Variants in DERA observed in about 807,000 individuals in gnomAD.
DERA encodes the protein 2-deoxy-D-ribose 5-phosphate aldolase.
In DERA, 15 loss-of-function variants were observed where a neutral mutation model predicts 41.1. The ratio of observed to expected loss-of-function variants is 0.37; its 90% CI spans 0.24 to 0.56. DERA has a LOEUF of 0.56. DERA is among the 20% of genes least tolerant of loss of function. The pLI is 0.81. For synonymous variants in DERA, 139 were observed against 137.4 expected, an observed-to-expected ratio of 1.01 and a Z score of -0.08; for missense variants, 396 against 403.4, an observed-to-expected ratio of 0.98 and a Z score of 0.16.
In DERA at chr12:16,014,580, A is replaced by G. The variant is rs1448519535; in HGVS notation, c.638-17962A>G. The stretch of plus-strand genomic sequence containing the variant: ...GGAATCGCCTGGATGTCCTGGCAGA[A>G]GTTTACTGCAGAGGGGAGCCCTCGT... On this transcript the variant is annotated intron_variant, in intron 6 of 8. Coordinates refer to ENST00000428559, the MANE Select transcript of DERA (RefSeq NM_015954.4). The surrounding 1 kb of genome is among the most constrained non-coding windows in gnomAD (Gnocchi z 5.4). Among the ~76,000 whole-genome samples the G allele has an allele frequency of 6.6e-6, 1 of 152,232 alleles. No homozygotes were observed. Among genetic ancestry groups the G allele is most frequent in the African/African-American group, 2.4e-5 (1 of 41,462 alleles).
chr12:15,914,277 G>A (rs1318364425), intron 1 of DERA, among the ~76,000 whole-genome samples: 1 of 152,052 alleles, frequency 6.6e-6, no homozygotes, highest in Non-Finnish European at 1.5e-5. Flanking sequence ...AGCTACTTGG[G>A]AAGCTGAGGT....
At position 16,017,336 on chromosome 12, in the gene DERA, A is replaced by G. The variant is rs1040794289; in HGVS notation, c.638-15206A>G. 2.0e-5 allele frequency among the ~76,000 whole-genome samples: 3 copies of G among 152,208 alleles called. No homozygotes were observed. The highest frequency in any genetic ancestry group is 7.2e-5 in the African/African-American group (3 of 41,452). ...ACGTGATGGACTGGACCGACAGAGA[A>G]TTACTCTGTAGCTCACTATTCAGAT... On this transcript the variant is annotated intron_variant, in intron 6 of 8. Transcript: ENST00000428559. The surrounding 1 kb of genome is among the most constrained non-coding windows in gnomAD (Gnocchi z 5.5).
Position 15,967,641 on chromosome 12 carries a change from A to C in DERA, c.508+4694A>C, listed in dbSNP as rs1948631830. 1.3e-5 allele frequency among the ~76,000 whole-genome samples: 2 copies of C among 151,932 alleles called. No individual in the cohort carries two copies. Among genetic ancestry groups the C allele is most frequent in the Admixed American group, 1.3e-4 (2 of 15,272 alleles). ...ACAGTCCAGACTCTTGTGCTTTTTG[A>C]TTTATGTATCTTCTTATTTGTTACT... is the stretch of plus-strand genomic sequence containing the variant. On this transcript the variant is annotated intron_variant, in intron 5 of 8. Coordinates refer to ENST00000428559, the MANE Select transcript of DERA (RefSeq NM_015954.4). This position sits in a 1 kb window ranked among gnomAD's most constrained non-coding sequence, Gnocchi z 4.9.
At chr12:16,016,371 T>C (rs1051084736) in intron 6 of DERA, among the ~76,000 whole-genome samples, 1 of 152,182 alleles carries the variant, frequency 6.6e-6, no homozygotes, top group African/African-American at 2.4e-5. Flanking sequence ...TTGTTCTCTA[T>C]GTAGATATTT....
chr12:15,951,182 A>G (rs1375505213), intron 1 of DERA, among the ~76,000 whole-genome samples: 1 of 152,220 alleles, frequency 6.6e-6, no homozygotes, highest in Non-Finnish European at 1.5e-5. Flanking sequence ...GGGTAGGAGC[A>G]CAGCTATGGG....
At chr12:15,953,591 C>T (rs1948515194) in intron 1 of DERA, among the ~76,000 whole-genome samples, 2 of 152,110 alleles carry the variant, frequency 1.3e-5, no homozygotes, top group South Asian at 4.2e-4. Context: ...GAGAAGATAT[C>T]ATTGCCTTCC....
At position 15,938,764 on chromosome 12, in the gene DERA, G is replaced by A. The variant is rs1438102770; in HGVS notation, c.32-18172G>A. Among the ~76,000 whole-genome samples, 1 of 152,120 alleles carries A rather than the reference G, an allele frequency of 6.6e-6. No individual in the cohort carries two copies. Among genetic ancestry groups the A allele is most frequent in the Non-Finnish European group, 1.5e-5 (1 of 68,004 alleles). ...TTTGCCTCCATTCTGAGACAAAATA[G>A]TAAATATTTTTATAAGACAAAACTT... is the stretch of plus-strand genomic sequence containing the variant. On this transcript the variant is annotated intron_variant, in intron 1 of 8. Transcript: ENST00000428559. This position sits in a 1 kb window ranked among gnomAD's most constrained non-coding sequence, Gnocchi z 4.1.
intron 1 of DERA, among the ~76,000 whole-genome samples, chr12:15,952,258 A>T (rs1948503838): frequency 6.6e-6 from 1 of 152,206 alleles, no homozygotes; most frequent in Non-Finnish European, 1.5e-5. Flanking sequence ...GCTATATATT[A>T]TTGAACTGGA....
At chr12:15,960,357 G>T (rs1488310431) in intron 4 of DERA, among the ~76,000 whole-genome samples, 1 of 150,794 alleles carries the variant, frequency 6.6e-6, no homozygotes, top group East Asian at 1.9e-4. Context: ...TGATATGCGG[G>T]CTGGGGACGG....
chr12:16,032,527 C>T lies in DERA; in HGVS notation c.638-15C>T, dbSNP rs1949099316. The stretch of plus-strand genomic sequence containing the variant: ...ATCTTTAATTAACATGGAGTTTTTC[C>T]TCTTTTTGTTTTAGGATCAGATTTT... On this transcript the variant is annotated splice_polypyrimidine_tract_variant and intron_variant, in intron 6 of 8. Transcript: ENST00000428559. The T allele has an allele frequency of 2.5e-6, 3 of 1,214,976 alleles. No individual in the cohort carries two copies. The highest frequency in any genetic ancestry group is 3.3e-6 in the Non-Finnish European group (3 of 899,578). The allele number at this position is 1,214,976 out of a possible 1,614,324, so 75.3% of individuals were successfully genotyped here. A position where few individuals can be genotyped will look rare whatever the true frequency, so the allele number is the denominator to read the frequency against.
At chr12:15,945,161 CG>C (rs1948437673) in intron 1 of DERA, among the ~76,000 whole-genome samples, 1 of 152,062 alleles carries the variant, frequency 6.6e-6, no homozygotes, top group Non-Finnish European at 1.5e-5. Flanking sequence ...AGTCAGGTAG[CG>C]TGATACCTCC....
chr12:15,959,875 T>A lies in DERA; in HGVS notation c.324T>A (p.Asp108Glu). Residue 108 changes from aspartate to glutamate, a missense_variant, in exon 4 of 9, where the codon GAT (aspartate) becomes GAA (glutamate). Asp to Glu is a conservative substitution (Grantham distance 45). Coordinates refer to ENST00000428559, the MANE Select transcript of DERA (RefSeq NM_015954.4). This position sits in a 1 kb window ranked among gnomAD's most constrained non-coding sequence, Gnocchi z 4.5. ...AVCVYPARVC[D>E]AVKALKAAGC... The stretch of plus-strand genomic sequence containing the variant: ...GTGTTTATCCCGCCCGGGTGTGTGA[T>A]GCTGTAAAAGCACTCAAGGCTGCAG... The A allele has an allele frequency of 6.4e-7, 1 of 1,552,016 alleles. No individual in the cohort carries two copies. Among genetic ancestry groups the A allele is most frequent in the Non-Finnish European group, 8.7e-7 (1 of 1,146,192 alleles).
chr12:15,926,742 G>GAAAAAAAAAAA (rs71051274), intron 1 of DERA, among the ~76,000 whole-genome samples: 6 of 120,428 alleles, frequency 5.0e-5, no homozygotes, highest in African/African-American at 6.6e-5. Context: ...GTCTCAAAAA[G>GAAAAAAAAAAA]AAAAAAAAAA....
rs202155281 is a variant in DERA at position 16,032,659 on chromosome 12, A to G, written c.750+5A>G. Reference sequence around the variant, plus strand: ...TTCTGGAAAACTGGAAACAAGGTATATTATTGCCAGCAAATCTTTCTTCAG... The same window carrying G: ...TTCTGGAAAACTGGAAACAAGGTATGTTATTGCCAGCAAATCTTTCTTCAG... On this transcript the variant is annotated splice_donor_5th_base_variant and intron_variant, in intron 7 of 8. Transcript: ENST00000428559. 1.5e-3 allele frequency: 2,270 copies of G among 1,491,752 alleles called. 6 individuals are homozygous for G. Among genetic ancestry groups the G allele is most frequent in the Non-Finnish European group, 1.9e-3 (2,042 of 1,090,948 alleles). The allele number at this position is 1,491,752 out of a possible 1,614,324, so 92.4% of individuals were successfully genotyped here. A position where few individuals can be genotyped will look rare whatever the true frequency, so the allele number is the denominator to read the frequency against.
At position 15,957,524 on chromosome 12, in the gene DERA, T is replaced by C. The variant is rs1414366879; in HGVS notation, c.129+491T>C. ...TTTCGTAGAGTACTTGCGGTCAGCATTTTCTTCAGTGTATCCCAACCAAAG... is the reference window on the plus strand; with the variant it reads ...TTTCGTAGAGTACTTGCGGTCAGCACTTTCTTCAGTGTATCCCAACCAAAG... On this transcript the variant is annotated intron_variant, in intron 2 of 8. Transcript: ENST00000428559. This position sits in a 1 kb window ranked among gnomAD's most constrained non-coding sequence, Gnocchi z 4.8. Among the ~76,000 whole-genome samples the C allele has an allele frequency of 3.3e-5, 5 of 152,192 alleles. No homozygotes were observed. The highest frequency in any genetic ancestry group is 9.7e-5 in the African/African-American group (4 of 41,444).
At position 16,001,819 on chromosome 12, in the gene DERA, G is replaced by A. The variant is rs555305001; in HGVS notation, c.637+19383G>A. Among the ~76,000 whole-genome samples the A allele has an allele frequency of 6.6e-5, 10 of 152,304 alleles. No individual in the cohort carries two copies. In the East Asian group the frequency reaches 1.9e-3, roughly 29 times the overall value. ...AGAAGTGGCAGGCACACTAGACGAA[G>A]CAGCATTTTGCTGGAGACTTTGTTG... On this transcript the variant is annotated intron_variant, in intron 6 of 8. Transcript: ENST00000428559. This position sits in a 1 kb window ranked among gnomAD's most constrained non-coding sequence, Gnocchi z 4.1.
rs577444783 is a variant in DERA at position 15,985,556 on chromosome 12, T to G, written c.637+3120T>G. ...TTAATCTTTTCAGAGAGCCAAGTTT[T>G]TATTTTGTTGTTTTTTTTTCATTAC... On this transcript the variant is annotated intron_variant, in intron 6 of 8. Coordinates refer to ENST00000428559, the MANE Select transcript of DERA (RefSeq NM_015954.4). This position sits in a 1 kb window ranked among gnomAD's most constrained non-coding sequence, Gnocchi z 4.2. Among the ~76,000 whole-genome samples, 56 of 131,286 alleles carry G rather than the reference T, an allele frequency of 4.3e-4. No homozygotes were observed. The highest frequency in any genetic ancestry group is 2.1e-3 in the Admixed American group (26 of 12,174). The allele number at this position is 131,286 out of a possible 152,430, so 86.1% of individuals were successfully genotyped here. A position where few individuals can be genotyped will look rare whatever the true frequency, so the allele number is the denominator to read the frequency against.
chr12:15,949,068 T>C lies in DERA; in HGVS notation c.32-7868T>C, dbSNP rs953081850. Among the ~76,000 whole-genome samples the C allele has an allele frequency of 1.4e-4, 22 of 152,296 alleles. No homozygotes were observed. In the South Asian group the frequency reaches 2.3e-3, roughly 16 times the overall value. On this transcript the variant is annotated intron_variant, in intron 1 of 8. Transcript: ENST00000428559. ...TGATCGTTCCTCTGGGAGCTTCGTC[T>C]CAGAGGGGTAACCGGCCGTGTGGGG...
In DERA at chr12:16,010,664, G is replaced by T. The variant is rs1458554399; in HGVS notation, c.638-21878G>T. Reference sequence around the variant, plus strand: ...CATTGTCTCTATAAGTGGTTAGTAAGTGGAGACTGCAGTCACCTAGATGGC... The same window carrying T: ...CATTGTCTCTATAAGTGGTTAGTAATTGGAGACTGCAGTCACCTAGATGGC... On this transcript the variant is annotated intron_variant, in intron 6 of 8. Coordinates refer to ENST00000428559, the MANE Select transcript of DERA (RefSeq NM_015954.4). This position sits in a 1 kb window ranked among gnomAD's most constrained non-coding sequence, Gnocchi z 5.5. Among the ~76,000 whole-genome samples the T allele has an allele frequency of 6.6e-6, 1 of 152,056 alleles. No homozygotes were observed. Among genetic ancestry groups the T allele is most frequent in the Non-Finnish European group, 1.5e-5 (1 of 68,014 alleles).
Sources: gnomAD v4.1 joint callset for allele counts (sites outside exome capture counted in the v4.1 genomes callset) on GRCh38, gnomAD v4.1.1 for gene constraint, Gnocchi (gnomAD v3.1) non-coding constraint, MANE v1.5 for transcripts, NCBI Gene and HGNC (gene_info 2026-07-23, HGNC 2026-07-21) for gene names.